The following ADAD1 variants were observed in gnomAD, a reference collection of about 807,000 sequenced individuals.
ADAD1 encodes adenosine deaminase domain-containing protein 1.
Under a neutral mutation model 66.8 loss-of-function variants are expected in ADAD1, and 46 were observed. That is an observed-to-expected ratio of 0.69 (90% confidence interval 0.54 to 0.88). The LOEUF (loss-of-function observed/expected upper bound fraction) is 0.88. Ranked by LOEUF, ADAD1 falls within the 40% of genes least tolerant of loss-of-function variation. ADAD1 has a pLI of 0.00. For synonymous variants in ADAD1, 248 were observed against 229.4 expected, an observed-to-expected ratio of 1.08 and a Z score of -0.73; for missense variants, 617 against 681.8, an observed-to-expected ratio of 0.91 and a Z score of 1.06.
intron 5 of ADAD1, among the ~76,000 whole-genome samples, chr4:122,392,701 T>C (rs1280514271): frequency 6.6e-6 from 1 of 152,202 alleles, no homozygotes; most frequent in African/African-American, 2.4e-5. Context: ...ATCTAAAAAG[T>C]TGAAAGTTTT....
intron 12 of ADAD1, among the ~76,000 whole-genome samples, chr4:122,425,135 T>C (rs1479685300): frequency 6.6e-6 from 1 of 152,080 alleles, no homozygotes; most frequent in African/African-American, 2.4e-5. Flanking sequence ...TTGTCAGTAA[T>C]TGATAGAACA....
At chr4:122,396,457 C>A (rs1313604267) in intron 7 of ADAD1, 80 bp downstream of exon 7, 3 of 1,221,596 alleles carry the variant, frequency 2.5e-6, no homozygotes, top group South Asian at 1.8e-5. Context: ...TGCCCCTGTA[C>A]ACAATGGTGT....
chr4:122,393,307 A>G (rs1304066542), intron 5 of ADAD1, among the ~76,000 whole-genome samples: 1 of 152,112 alleles, frequency 6.6e-6, no homozygotes, highest in East Asian at 1.9e-4. Context: ...TGTATCTAAA[A>G]TAGGATTTCA....
At chr4:122,405,658 T>G (rs1438479419) in intron 7 of ADAD1, among the ~76,000 whole-genome samples, 1 of 152,208 alleles carries the variant, frequency 6.6e-6, no homozygotes. Context: ...AACTGTAGTC[T>G]CCATGCTCTA....
rs1795714652 is a variant in ADAD1, at chr4:122,396,345, G to A, written c.692G>A (p.Ser231Asn). Reference protein sequence around the residue: ...ISNRSEYLKYSSSLAAFIIER... With the variant: ...ISNRSEYLKYNSSLAAFIIER... ...AATCGTTCAGAATACCTGAAATATA[G>A]CAGTTCATTGGCTGCTTTTATAATT... The change falls in exon 7 of 13, where the codon AGC becomes AAC. Residue 231 changes from serine to asparagine, a missense_variant. Physicochemically the swap from Ser to Asn is conservative, Grantham distance 46. Coordinates refer to ENST00000296513, the MANE Select transcript of ADAD1 (RefSeq NM_139243.4). The A allele has an allele frequency of 6.3e-7, 1 of 1,594,790 alleles. No homozygotes were observed. Among genetic ancestry groups the A allele is most frequent in the Admixed American group, 1.8e-5 (1 of 57,046 alleles).
chr4:122,399,594 T>C (rs1795875913), intron 7 of ADAD1, among the ~76,000 whole-genome samples: 2 of 152,124 alleles, frequency 1.3e-5, no homozygotes, highest in Admixed American at 1.3e-4. Flanking sequence ...ATTTTCACAA[T>C]ATTGATGCTA....
chr4:122,411,130 G>T, intron 8 of ADAD1, 92 bp from the exon 9 acceptor site: 1 of 983,580 alleles, frequency 1.0e-6, no homozygotes, highest in Non-Finnish European at 1.5e-6. Context: ...TAACATGCAG[G>T]ACATTGCTTC....
intron 11 of ADAD1, 79 bp downstream of exon 11, chr4:122,415,695 T>G: frequency 8.5e-7 from 1 of 1,177,036 alleles, no homozygotes. Flanking sequence ...ATTCTGACTC[T>G]TTTGGATACT....
At chr4:122,392,284 GACATCAAATCA>G (rs1561535532) in intron 5 of ADAD1, among the ~76,000 whole-genome samples, 1 of 152,058 alleles carries the variant, frequency 6.6e-6, no homozygotes, top group Non-Finnish European at 1.5e-5. Context: ...CAACAGCAAA[GACATCAAATCA>G]ACCCAGGTGC....
chr4:122,380,900 A>G, intron 3 of ADAD1, 92 bp from the exon 4 acceptor site: 1 of 1,186,048 alleles, frequency 8.4e-7, no homozygotes, highest in Non-Finnish European at 1.2e-6. Context: ...TGTATCTGGG[A>G]CAACCTTCCA....
rs369500779 is a variant in ADAD1, at chr4:122,400,401, T to C, written c.724+4024T>C. On this transcript the variant is annotated intron_variant, in intron 7 of 12. Transcript: ENST00000296513. ...ATCTTTTTATGCTCTTGGATTCAGT[T>C]AGCTAGTATTTTTGTTGAGGATTTT... 2.0e-5 allele frequency among the ~76,000 whole-genome samples: 3 copies of C among 152,286 alleles called. No individual in the cohort carries two copies. In the East Asian group the frequency reaches 5.8e-4, roughly 29 times the overall value.
intron 5 of ADAD1, among the ~76,000 whole-genome samples, chr4:122,391,519 C>T (rs1159188133): frequency 6.6e-6 from 1 of 152,324 alleles, no homozygotes; most frequent in East Asian, 1.9e-4. Context: ...CTTAGGGGCT[C>T]AGGCCCAGGG....
chr4:122,427,492 G>C (rs966823243), intron 12 of ADAD1, among the ~76,000 whole-genome samples: 13 of 132,092 alleles, frequency 9.8e-5, no homozygotes, highest in Non-Finnish European at 1.6e-4. Flanking sequence ...TTGACAAGCT[G>C]ATTGTGAAAT....
At chr4:122,383,727 C>T (rs1795018106) in intron 4 of ADAD1, 72 bp from the exon 5 acceptor site, 1 of 1,445,174 alleles carries the variant, frequency 6.9e-7, no homozygotes, top group Middle Eastern at 1.9e-4. Context: ...GGAATGTTTT[C>T]CTATGTACAT....
At chr4:122,423,700 C>A (rs1797111092) in intron 12 of ADAD1, among the ~76,000 whole-genome samples, 1 of 152,118 alleles carries the variant, frequency 6.6e-6, no homozygotes, top group African/African-American at 2.4e-5. Flanking sequence ...GGCATATAGA[C>A]AGTGGAATAT....
chr4:122,387,751 T>G (rs979043615), intron 5 of ADAD1, among the ~76,000 whole-genome samples: 40 of 150,164 alleles, frequency 2.7e-4, no homozygotes, highest in East Asian at 9.9e-4. Flanking sequence ...GTTTTTTTTT[T>G]TTGTTTTTTG....
chr4:122,404,619 G>C (rs1796125373), intron 7 of ADAD1, among the ~76,000 whole-genome samples: 1 of 152,084 alleles, frequency 6.6e-6, no homozygotes, highest in South Asian at 2.1e-4. Flanking sequence ...TCCTGCAGTG[G>C]TTCTTGGAGT....
chr4:122,385,974 G>A (rs1236285132), intron 5 of ADAD1, among the ~76,000 whole-genome samples: 4 of 151,962 alleles, frequency 2.6e-5, no homozygotes, highest in East Asian at 1.9e-4. Flanking sequence ...CCATGTCTTC[G>A]CTATTGTAAA....
rs1560606413 is a variant in ADAD1 at position 122,421,312 on chromosome 4, A to C, written c.1539A>C (p.Ala513=). Residue 513 remains alanine (A), a synonymous_variant, in exon 12 of 13, where the codon GCA becomes GCC. Transcript: ENST00000296513. ...MSMASRLCKA[A]MLSRFNLLAK... is the part of the protein sequence containing the mutation. ...TGGCAAGTCGGCTTTGTAAGGCTGC[A>C]ATGTTAAGTCGGTTTAACCTGCTTG... 1 of 1,606,906 alleles carries C rather than the reference A, an allele frequency of 6.2e-7. No individual in the cohort carries two copies. The highest frequency in any genetic ancestry group is 8.5e-7 in the Non-Finnish European group (1 of 1,175,040).
Sources: allele counts gnomAD v4.1 joint callset (sites outside exome capture counted in the v4.1 genomes callset), GRCh38; gene constraint gnomAD v4.1.1; transcripts MANE v1.5; gene names NCBI Gene and HGNC (gene_info 2026-07-23, HGNC 2026-07-21).